The following AJAP1 variants were observed in gnomAD, a reference collection of about 807,000 sequenced individuals.
AJAP1 encodes adherens junction-associated protein 1.
In AJAP1, 5 loss-of-function variants were observed where a neutral mutation model predicts 35.0. The ratio of observed to expected loss-of-function variants is 0.14; its 90% CI spans 0.07 to 0.30. The LOEUF is 0.30. Ranked by LOEUF, AJAP1 falls within the 10% of genes least tolerant of loss-of-function variation. The probability of loss-of-function intolerance (pLI) is 1.00; values close to 1 mark genes in which losing one functional copy is unlikely to be tolerated. For synonymous variants in AJAP1, 284 were observed against 249.3 expected (o/e 1.14, Z -1.31); for missense variants, 586 against 571.0 (o/e 1.03, Z -0.27).
chr1:4,720,820 C>T lies in AJAP1; in HGVS notation c.829+8121C>T, dbSNP rs566048255. 1.4e-4 allele frequency among the ~76,000 whole-genome samples: 22 copies of T among 152,306 alleles called. No homozygotes were observed. Among genetic ancestry groups the T allele is most frequent in the African/African-American group, 2.6e-4 (11 of 41,554 alleles). The stretch of plus-strand genomic sequence containing the variant: ...CAGTTAGGTTGTGTGGCTGCATGCT[C>T]GGTGCTATTCTGTCCATATCATGAT... On this transcript the variant is annotated intron_variant, in intron 2 of 5. Transcript: ENST00000378191. The surrounding 1 kb of genome is among the most constrained non-coding windows in gnomAD (Gnocchi z 4.4).
At chr1:4,738,299 G>A (rs942172816) in intron 2 of AJAP1, among the ~76,000 whole-genome samples, 2 of 152,210 alleles carry the variant, frequency 1.3e-5, no homozygotes, top group Admixed American at 1.3e-4. Flanking sequence ...TCAAATAAAT[G>A]CGTAATTGTC....
At chr1:4,722,275 TAGC>T (rs755036459) in intron 2 of AJAP1, among the ~76,000 whole-genome samples, 69 of 152,200 alleles carry the variant, frequency 4.5e-4, no homozygotes, top group Non-Finnish European at 8.8e-5. Flanking sequence ...GCATGTGGGT[TAGC>T]AGCACCGAGC....
chr1:4,766,336 A>G (rs1641683158), intron 2 of AJAP1, among the ~76,000 whole-genome samples: 1 of 152,202 alleles, frequency 6.6e-6, no homozygotes, highest in Non-Finnish European at 1.5e-5. Flanking sequence ...ATCCACATGA[A>G]GATTTACACA....
Position 4,712,690 on chromosome 1 carries a change from G to A in AJAP1, c.820G>A (p.Glu274Lys). The A allele has an allele frequency of 6.6e-7, 1 of 1,514,252 alleles. No homozygotes were observed. Among genetic ancestry groups the A allele is most frequent in the East Asian group, 2.3e-5 (1 of 42,872 alleles). 93.8% of individuals were successfully genotyped at this position (1,514,252 alleles called of 1,614,324 possible). A position where few individuals can be genotyped will look rare whatever the true frequency, so the allele number is the denominator to read the frequency against. Residue 274 changes from glutamate (E) to lysine (K), a missense_variant, in exon 2 of 6, where the codon GAG becomes AAG. Physicochemically the swap from Glu to Lys is moderately conservative, Grantham distance 56 (BLOSUM62 1). Transcript: ENST00000378191. ...CACCCAGCCCCCAAGGATTCTGGGGGAGGCCTCAGGTACAGCCATCTCTCT... is the reference window on the plus strand; with the variant it reads ...CACCCAGCCCCCAAGGATTCTGGGGAAGGCCTCAGGTACAGCCATCTCTCT... ...EVTQPPRILG[E>K]ASGLAVHQII...
intron 2 of AJAP1, among the ~76,000 whole-genome samples, chr1:4,754,805 C>G (rs117586966): frequency 6.6e-6 from 1 of 152,176 alleles, no homozygotes; most frequent in Non-Finnish European, 1.5e-5. Flanking sequence ...TTATTCCAAG[C>G]GAGCGAGCCT....
chr1:4,666,994 T>C (rs2100511415), intron 1 of AJAP1, among the ~76,000 whole-genome samples: 1 of 151,400 alleles, frequency 6.6e-6, no homozygotes, highest in African/African-American at 2.4e-5. Context: ...CACAGGAGGG[T>C]GCAGAGAGGG....
At chr1:4,754,196 T>C (rs1223062204) in intron 2 of AJAP1, among the ~76,000 whole-genome samples, 3 of 152,054 alleles carry the variant, frequency 2.0e-5, no homozygotes, top group Non-Finnish European at 4.4e-5. Context: ...TTGCAACACA[T>C]GAAAGTTATT....
In AJAP1 at chr1:4,790,699, T is replaced by C. The variant is rs1642234425; in HGVS notation, c.*8214T>C. 6.6e-6 allele frequency: 1 copy of C among 152,216 alleles called. No individual in the cohort carries two copies. The highest frequency in any genetic ancestry group is 6.5e-5 in the Admixed American group (1 of 15,288). 9.4% of individuals were successfully genotyped at this position (152,216 alleles called of 1,614,324 possible). ...AGTCAACTGATGATAACTGTGATCC[T>C]TAAAGATGAATTCCCAGCCTGAGGT... On this transcript the variant is annotated 3_prime_UTR_variant, in exon 6 of 6. Coordinates refer to ENST00000378191, the MANE Select transcript of AJAP1 (RefSeq NM_018836.4).
intron 1 of AJAP1, among the ~76,000 whole-genome samples, chr1:4,706,956 A>G (rs907951907): frequency 6.6e-6 from 1 of 152,164 alleles, no homozygotes; most frequent in Non-Finnish European, 1.5e-5. Context: ...GGTGGTGGCA[A>G]GGAGTTTATT....
intron 1 of AJAP1, among the ~76,000 whole-genome samples, chr1:4,673,375 G>A (rs368987584): frequency 9.2e-5 from 14 of 152,086 alleles, no homozygotes; most frequent in Non-Finnish European, 8.8e-5. Flanking sequence ...TCTCTTTCCC[G>A]TCCCCTCCCC....
In AJAP1 at chr1:4,674,187, G is replaced by C. The variant is rs375428897; in HGVS notation, c.29+18733G>C. On this transcript the variant is annotated intron_variant, in intron 1 of 5. Coordinates refer to ENST00000378191, the MANE Select transcript of AJAP1 (RefSeq NM_018836.4). The stretch of plus-strand genomic sequence containing the variant: ...GGCCAAGAAGGCAGGGCAGTGGGCA[G>C]GAGAGGGCCCTGGAGAGGAGGCTTC... Among the ~76,000 whole-genome samples the C allele has an allele frequency of 1.9e-4, 29 of 152,296 alleles. 1 individual carries two copies. The highest frequency in any genetic ancestry group is 7.0e-4 in the African/African-American group (29 of 41,550).
intron 1 of AJAP1, among the ~76,000 whole-genome samples, chr1:4,702,443 G>C (rs1419830952): frequency 6.6e-6 from 1 of 152,246 alleles, no homozygotes; most frequent in East Asian, 1.9e-4. Flanking sequence ...GTGGAAAGGA[G>C]GTCAGTTAGA....
intron 4 of AJAP1, 54 bp from the exon 5 acceptor site, chr1:4,774,373 A>G (rs1381207143): frequency 6.5e-6 from 10 of 1,546,692 alleles, no homozygotes; most frequent in African/African-American, 1.4e-5. Context: ...CTTGCCTATC[A>G]TGTGTCATGG....
chr1:4,712,037 C>CGCCGCCCCG lies in AJAP1; in HGVS notation c.179_187dup (p.Pro60_Arg62dup), dbSNP rs768777082. The CGCCGCCCCG allele has an allele frequency of 2.7e-5, 43 of 1,593,110 alleles. No homozygotes were observed. The East Asian group carries it at 6.1e-4, about 23-fold the overall frequency. On this transcript the variant is annotated inframe_insertion, in exon 2 of 6. Transcript: ENST00000378191. ...CCGGAGTTCTGGCTCCTGCCGCGGT[C>CGCCGCCCCG]GCCGCCCCGGCCGCCCCGGCTGTGG...
At chr1:4,780,720 C>T (rs1642043143) in intron 5 of AJAP1, among the ~76,000 whole-genome samples, 3 of 150,960 alleles carry the variant, frequency 2.0e-5, no homozygotes. Flanking sequence ...CAACCTCTGC[C>T]TCCCGGGTTC....
At chr1:4,781,559 G>T (rs1034867797) in intron 5 of AJAP1, among the ~76,000 whole-genome samples, 1 of 152,218 alleles carries the variant, frequency 6.6e-6, no homozygotes, top group Non-Finnish European at 1.5e-5. Context: ...GGGTACCCCC[G>T]CCCCATCCTA....
In AJAP1 at chr1:4,712,258, C is replaced by A; in HGVS notation, c.388C>A (p.Leu130Ile). 1.3e-6 allele frequency: 2 copies of A among 1,526,444 alleles called. No homozygotes were observed. Among genetic ancestry groups the A allele is most frequent in the Non-Finnish European group, 8.8e-7 (1 of 1,142,448 alleles). 94.6% of individuals were successfully genotyped at this position (1,526,444 alleles called of 1,614,324 possible). A position where few individuals can be genotyped will look rare whatever the true frequency, so the allele number is the denominator to read the frequency against. Residue 130 changes from leucine to isoleucine, a missense_variant, in exon 2 of 6, where the codon CTC becomes ATC. Physicochemically the swap from Leu to Ile is conservative, Grantham distance 5. Coordinates refer to ENST00000378191, the MANE Select transcript of AJAP1 (RefSeq NM_018836.4). ...PPAAAKSSPS[L>I]ASSSSSSSSA... ...AGCTGCTGCCAAATCCAGCCCTTCCCTCGCCTCTTCGTCCTCGTCCTCGTC... is the reference window on the plus strand; with the variant it reads ...AGCTGCTGCCAAATCCAGCCCTTCCATCGCCTCTTCGTCCTCGTCCTCGTC...
intron 1 of AJAP1, among the ~76,000 whole-genome samples, chr1:4,700,619 A>G (rs1284645604): frequency 6.6e-6 from 1 of 152,110 alleles, no homozygotes; most frequent in East Asian, 1.9e-4. Context: ...CCCTTTGCTC[A>G]GGGGGAGATG....
chr1:4,662,516 G>A (rs116235401), intron 1 of AJAP1, among the ~76,000 whole-genome samples: 1,965 of 152,328 alleles, frequency 0.013, 40 homozygotes, highest in African/African-American at 0.044. Context: ...TGTTGGGGCT[G>A]GGGGAGCAGC....
Sources: allele counts gnomAD v4.1 joint callset (sites outside exome capture counted in the v4.1 genomes callset), GRCh38; gene constraint gnomAD v4.1.1; non-coding constraint Gnocchi (gnomAD v3.1); transcripts MANE v1.5; gene names NCBI Gene and HGNC (gene_info 2026-07-23, HGNC 2026-07-21).